Variants in IHO1 observed in about 807,000 individuals in gnomAD.
IHO1 encodes the protein interactor of HORMAD1 protein 1.
In IHO1, 13 loss-of-function variants were observed where a neutral mutation model predicts 31.0. The observed-to-expected ratio is 0.42, with a 90% CI of 0.27 to 0.67. The LOEUF (loss-of-function observed/expected upper bound fraction) is 0.67, where lower values mean the gene tolerates loss of function less well. IHO1 is among the 30% of genes least tolerant of loss of function. IHO1 has a pLI of 0.24. For missense variants in IHO1, 599 were observed against 687.5 expected (o/e 0.87, Z 1.44); for synonymous variants, 221 against 248.4 (o/e 0.89, Z 1.04).
chr3:49,229,016 A>G (rs1430621268), intron 2 of IHO1, among the ~76,000 whole-genome samples: 1 of 151,882 alleles, frequency 6.6e-6, no homozygotes, highest in Non-Finnish European at 1.5e-5. Flanking sequence ...TTACAATCCT[A>G]TAGCTAGACA....
chr3:49,216,866 A>C (rs1395506617), intron 2 of IHO1, among the ~76,000 whole-genome samples: 3 of 152,254 alleles, frequency 2.0e-5, no homozygotes, highest in East Asian at 1.9e-4. Flanking sequence ...ACATTTATGC[A>C]ACCAACAGAC....
Position 49,244,751 on chromosome 3 carries a change from G to C in IHO1, c.532+18G>C. On this transcript the variant is annotated intron_variant, in intron 6 of 7. Coordinates refer to ENST00000452691, the MANE Select transcript of IHO1 (RefSeq NM_001135197.2). The stretch of plus-strand genomic sequence containing the variant: ...CAAGACATGTGAGTGCCTCATGTTT[G>C]AGGTATCAGCAGAGGGCACTGGTGA... 6.2e-7 allele frequency: 1 copy of C among 1,602,980 alleles called. No homozygotes were observed. The highest frequency in any genetic ancestry group is 8.5e-7 in the Non-Finnish European group (1 of 1,169,876).
At chr3:49,212,858 T>C (rs933892005) in intron 2 of IHO1, among the ~76,000 whole-genome samples, 9 of 152,194 alleles carry the variant, frequency 5.9e-5, no homozygotes, top group South Asian at 2.1e-4. Context: ...TCTTCCGCAG[T>C]GTGGAAGAGG....
At chr3:49,202,556 T>G (rs939468029) in intron 1 of IHO1, among the ~76,000 whole-genome samples, 2 of 149,024 alleles carry the variant, frequency 1.3e-5, no homozygotes, top group South Asian at 4.2e-4. Context: ...TTTCATATTT[T>G]TAGTAGAGAT....
the IHO1 span, among the ~76,000 whole-genome samples, chr3:49,192,128 T>A: frequency 1.3e-5 from 2 of 152,222 alleles, no homozygotes; most frequent in Non-Finnish European, 2.9e-5. Context: ...TATGCATCCA[T>A]ACTGCCAGGA....
intron 2 of IHO1, 32 bp from the exon 3 acceptor site, chr3:49,236,515 CT>C: frequency 6.8e-7 from 1 of 1,479,092 alleles, no homozygotes; most frequent in South Asian, 1.2e-5. Context: ...GGATATTTGT[CT>C]ATTTGATACA....
chr3:49,214,625 TATATATA>T (rs1321332581), intron 2 of IHO1, among the ~76,000 whole-genome samples: 3 of 36,748 alleles, frequency 8.2e-5, no homozygotes, highest in African/African-American at 2.7e-4. Context: ...TATATATATA[TATATATA>T]TTTTTTTTTT....
intron 2 of IHO1, among the ~76,000 whole-genome samples, chr3:49,234,264 C>T (rs1049201068): frequency 6.7e-6 from 1 of 149,318 alleles, no homozygotes; most frequent in Non-Finnish European, 1.5e-5. Context: ...CCTCCAGCTC[C>T]CTGGTTCAAG....
At chr3:49,216,358 C>T (rs141507843) in intron 2 of IHO1, among the ~76,000 whole-genome samples, 5 of 152,174 alleles carry the variant, frequency 3.3e-5, no homozygotes, top group Admixed American at 1.3e-4. Flanking sequence ...TTTGGGAGGC[C>T]GAGGCAGGCA....
At chr3:49,196,859 A>T (rs1202330830), upstream of IHO1, among the ~76,000 whole-genome samples, 1 of 150,202 alleles carries the variant, frequency 6.7e-6, no homozygotes, top group African/African-American at 2.5e-5. Flanking sequence ...TTTAGTAGAG[A>T]CGGGGTTTCG....
At chr3:49,194,465 G>C (rs2045986248), upstream of IHO1, among the ~76,000 whole-genome samples, 3 of 146,220 alleles carry the variant, frequency 2.1e-5, no homozygotes, top group South Asian at 6.5e-4. Context: ...CACCCCGCCT[G>C]GCTAATTTTT....
chr3:49,229,681 A>G (rs1204844194), intron 2 of IHO1, among the ~76,000 whole-genome samples: 1 of 152,242 alleles, frequency 6.6e-6, no homozygotes, highest in Non-Finnish European at 1.5e-5. Context: ...GGACATTTCA[A>G]TCATTTCTCT....
chr3:49,227,804 A>C (rs2046434252), intron 2 of IHO1, among the ~76,000 whole-genome samples: 1 of 152,094 alleles, frequency 6.6e-6, no homozygotes, highest in Admixed American at 6.5e-5. Context: ...TTTTATCCTC[A>C]CTTGAATAGG....
Position 49,256,025 on chromosome 3 carries a change from G to C in IHO1, c.637-109G>C. ...GCTTACCCTGAGAGGTTCCCTACAA[G>C]GAGCAAGCCTTGGTTCTGCTGTCAC... On this transcript the variant is annotated intron_variant, in intron 7 of 7. Coordinates refer to ENST00000452691, the MANE Select transcript of IHO1 (RefSeq NM_001135197.2). This position sits in a 1 kb window ranked among gnomAD's most constrained non-coding sequence, Gnocchi z 4.6. The C allele has an allele frequency of 1.0e-6, 1 of 962,438 alleles. No individual in the cohort carries two copies. The highest frequency in any genetic ancestry group is 2.4e-5 in the East Asian group (1 of 41,296). The allele number at this position is 962,438 out of a possible 1,614,324, so 59.6% of individuals were successfully genotyped here. A position where few individuals can be genotyped will look rare whatever the true frequency, so the allele number is the denominator to read the frequency against.
intron 2 of IHO1, among the ~76,000 whole-genome samples, chr3:49,227,875 G>A (rs1359350510): frequency 6.6e-6 from 1 of 152,172 alleles, no homozygotes; most frequent in Non-Finnish European, 1.5e-5. Context: ...TGTTAGGCCT[G>A]CTAGTCTGAG....
chr3:49,253,039 C>CAA (rs756719889), intron 6 of IHO1, among the ~76,000 whole-genome samples: 1 of 128,982 alleles, frequency 7.8e-6, no homozygotes. Context: ...GACTCAGTCT[C>CAA]AAAAAAAAAA....
chr3:49,221,011 A>G (rs1383923984), intron 2 of IHO1, among the ~76,000 whole-genome samples: 1 of 152,252 alleles, frequency 6.6e-6, no homozygotes, highest in East Asian at 1.9e-4. Context: ...GGCCCTGCCC[A>G]CATTCTGCTG....
chr3:49,212,070 A>G (rs904396594), intron 2 of IHO1, among the ~76,000 whole-genome samples: 2 of 149,150 alleles, frequency 1.3e-5, no homozygotes, highest in Admixed American at 1.3e-4. Context: ...AGGCTGAGGT[A>G]GGAGAATGGC....
At chr3:49,211,420 A>C (rs758821676) in intron 1 of IHO1, among the ~76,000 whole-genome samples, 98 of 152,252 alleles carry the variant, frequency 6.4e-4, no homozygotes, top group Admixed American at 1.4e-3. Context: ...TGGGGGTGCA[A>C]ATATAAATGG....
Sources: allele counts gnomAD v4.1 joint callset (sites outside exome capture counted in the v4.1 genomes callset), GRCh38; gene constraint gnomAD v4.1.1; non-coding constraint Gnocchi (gnomAD v3.1); transcripts MANE v1.5; gene names NCBI Gene and HGNC (gene_info 2026-07-23, HGNC 2026-07-21).